The following ALDH7A1 variants were observed in gnomAD, a reference collection of about 807,000 sequenced individuals.
ALDH7A1 encodes the protein aldehyde dehydrogenase 7 family member A1, also known as alpha-aminoadipic semialdehyde dehydrogenase.
Under a neutral mutation model 79.9 loss-of-function variants are expected in ALDH7A1, and 63 were observed. That is an observed-to-expected ratio of 0.79 (90% CI 0.64 to 0.97). The LOEUF is 0.97. Among genes scored for constraint, ALDH7A1 ranks in the 50% least tolerant of loss-of-function variants. ALDH7A1 has a pLI of 0.00. For missense variants in ALDH7A1, 627 were observed against 665.2 expected, an observed-to-expected ratio of 0.94 and a Z score of 0.63; for synonymous variants, 240 against 231.2, an observed-to-expected ratio of 1.04 and a Z score of -0.34.
chr5:126,583,858 T>G, intron 4 of ALDH7A1, 74 bp downstream of exon 4: 1 of 1,284,036 alleles, frequency 7.8e-7, no homozygotes, highest in Non-Finnish European at 1.1e-6. Context: ...AACCTCACAA[T>G]TTTATATATA....
In ALDH7A1 at chr5:126,555,827, C is replaced by T. The variant is rs150370347; in HGVS notation, c.1093+104G>A. On this transcript the variant is annotated intron_variant, in intron 12 of 17. Transcript: ENST00000409134. ...TAATAACCTGCTTCATGTGCCTTCA[C>T]GCCTCTCAGGAAAGGGAAAGAAACT... 1.1e-4 allele frequency: 99 copies of T among 923,796 alleles called. No individual in the cohort carries two copies. In the African/African-American group the frequency reaches 1.3e-3, roughly 12 times the overall value. The allele number at this position is 923,796 out of a possible 1,614,324, so 57.2% of individuals were successfully genotyped here.
chr5:126,546,064 A>G (rs1297651115), intron 17 of ALDH7A1, among the ~76,000 whole-genome samples: 1 of 152,204 alleles, frequency 6.6e-6, no homozygotes, highest in Non-Finnish European at 1.5e-5. Flanking sequence ...CCTGACCAAC[A>G]TGGAGAAACC....
At chr5:126,567,060 T>C (rs1452848281) in intron 9 of ALDH7A1, among the ~76,000 whole-genome samples, 5 of 152,246 alleles carry the variant, frequency 3.3e-5, no homozygotes, top group Non-Finnish European at 7.3e-5. Flanking sequence ...AAGCACACAT[T>C]AGGTCATAGC....
In ALDH7A1 at chr5:126,594,333, G is replaced by A. The variant is rs1751663521; in HGVS notation, c.192+674C>T. ...CTGAAGAACGTTACCTGCGGTGCAC[G>A]TCACAGCTGAAGAGCCAGAGTTAAG... is the stretch of plus-strand genomic sequence containing the variant. On this transcript the variant is annotated intron_variant, in intron 1 of 17. Transcript: ENST00000409134. 2.2e-5 allele frequency: 10 copies of A among 463,194 alleles called. 1 individual carries two copies. The highest frequency in any genetic ancestry group is 1.6e-4 in the South Asian group (10 of 64,102). 28.7% of individuals were successfully genotyped at this position (463,194 alleles called of 1,614,324 possible). A position where few individuals can be genotyped will look rare whatever the true frequency, so the allele number is the denominator to read the frequency against.
chr5:126,584,659 C>CAA (rs35736560), intron 3 of ALDH7A1, among the ~76,000 whole-genome samples: 18 of 62,178 alleles, frequency 2.9e-4, no homozygotes, highest in African/African-American at 6.7e-4. Context: ...CACTCCATCT[C>CAA]AAAAAAAAAA....
At chr5:126,593,302 GAATTA>G (rs751731945) in intron 2 of ALDH7A1, 44 bp downstream of exon 2, 16 of 1,425,838 alleles carry the variant, frequency 1.1e-5, no homozygotes, top group Non-Finnish European at 1.2e-5. Flanking sequence ...TGTATAATTT[GAATTA>G]AACACACACA....
chr5:126,583,083 A>G, intron 4 of ALDH7A1, 109 bp from the exon 5 acceptor site: 1 of 1,332,982 alleles, frequency 7.5e-7, no homozygotes, highest in South Asian at 1.2e-5. Flanking sequence ...AATAAACTGA[A>G]GAAAGTCTGT....
At position 126,544,101 on chromosome 5, in the gene ALDH7A1, G is replaced by A. The variant is rs1749705303; in HGVS notation, c.*864C>T. 1 of 151,864 alleles carries A rather than the reference G, an allele frequency of 6.6e-6. No homozygotes were observed. Among genetic ancestry groups the A allele is most frequent in the Non-Finnish European group, 1.5e-5 (1 of 68,090 alleles). The allele number at this position is 151,864 out of a possible 1,614,324, so 9.4% of individuals were successfully genotyped here. A position where few individuals can be genotyped will look rare whatever the true frequency, so the allele number is the denominator to read the frequency against. On this transcript the variant is annotated 3_prime_UTR_variant, in exon 18 of 18. Transcript: ENST00000409134. The stretch of plus-strand genomic sequence containing the variant: ...GCCTCCCTAATAGCTGGGATTACAG[G>A]TGCCTGCCACCACACTGGGCTAATT...
chr5:126,546,441 C>T, intron 16 of ALDH7A1, 42 bp from the exon 17 acceptor site: 1 of 1,572,012 alleles, frequency 6.4e-7, no homozygotes, highest in Non-Finnish European at 8.8e-7. Flanking sequence ...TGAGCAGTTT[C>T]CATGTGGGCT....
intron 9 of ALDH7A1, 157 bp downstream of exon 9, chr5:126,568,097 TTCTAC>T: frequency 2.9e-6 from 2 of 685,538 alleles, no homozygotes; most frequent in Non-Finnish European, 5.1e-6. Flanking sequence ...TTCCCTAATA[TTCTAC>T]TGCTAATAAC....
chr5:126,573,549 T>C (rs989209161), intron 7 of ALDH7A1, among the ~76,000 whole-genome samples: 4 of 151,556 alleles, frequency 2.6e-5, no homozygotes, highest in Non-Finnish European at 4.4e-5. Context: ...ATACAAAAAA[T>C]TAGCCGGGCG....
chr5:126,570,909 A>T (rs1411294096), intron 7 of ALDH7A1, 50 bp from the exon 8 acceptor site: 2 of 1,569,782 alleles, frequency 1.3e-6, no homozygotes, highest in South Asian at 1.1e-5. Context: ...GCATTTTTTT[A>T]AAAACAAGGA....
At chr5:126,551,344 T>C (rs1466491720) in intron 14 of ALDH7A1, among the ~76,000 whole-genome samples, 1 of 151,678 alleles carries the variant, frequency 6.6e-6, no homozygotes, top group Non-Finnish European at 1.5e-5. Flanking sequence ...AGATGGAGTC[T>C]CACTCTGTTG....
chr5:126,571,634 C>A (rs1199534308), intron 7 of ALDH7A1, among the ~76,000 whole-genome samples: 1 of 151,724 alleles, frequency 6.6e-6, no homozygotes, highest in African/African-American at 2.4e-5. Context: ...GATCACTGGG[C>A]CTTTTATTTA....
rs758272364 is a variant in ALDH7A1 at position 126,595,049 on chromosome 5, T to C, written c.150A>G (p.Glu50=). ...AGCTTCCATTATACACGCCCTCGTTTTCCTCGCGGAGCCCCAGCTCTTTCA... is the reference window on the plus strand; with the variant it reads ...AGCTTCCATTATACACGCCCTCGTTCTCCTCGCGGAGCCCCAGCTCTTTCA... ...AWLKELGLRE[E]NEGVYNGSWG... is the part of the protein sequence containing the mutation. The change falls in exon 1 of 18, where the codon GAA becomes GAG. Residue 50 remains glutamate, a synonymous_variant. Transcript: ENST00000409134. The C allele has an allele frequency of 2.5e-6, 4 of 1,610,038 alleles. No homozygotes were observed. Among genetic ancestry groups the C allele is most frequent in the Non-Finnish European group, 3.4e-6 (4 of 1,178,478 alleles).
At chr5:126,582,125 C>T (rs1751197483) in intron 5 of ALDH7A1, 1 of 398,520 alleles carries the variant, frequency 2.5e-6, no homozygotes, top group Non-Finnish European at 4.4e-6. Context: ...AAGTTTGAGA[C>T]CAGCCTGAAC....
intron 16 of ALDH7A1, among the ~76,000 whole-genome samples, chr5:126,549,004 G>A (rs1749894472): frequency 1.3e-5 from 2 of 148,526 alleles, no homozygotes; most frequent in African/African-American, 5.0e-5. Flanking sequence ...AGCCTGGGAG[G>A]TGGTGGCTGC....
At chr5:126,584,796 C>G (rs1751305403) in intron 3 of ALDH7A1, among the ~76,000 whole-genome samples, 1 of 151,716 alleles carries the variant, frequency 6.6e-6, no homozygotes, top group Non-Finnish European at 1.5e-5. Context: ...GGATAACTTC[C>G]CGCTCTCTGG....
Position 126,543,549 on chromosome 5 carries a change from T to G in ALDH7A1, c.*1416A>C, listed in dbSNP as rs947195444. 4 of 152,230 alleles carry G rather than the reference T, an allele frequency of 2.6e-5. No homozygotes were observed. Among genetic ancestry groups the G allele is most frequent in the Non-Finnish European group, 5.9e-5 (4 of 68,036 alleles). 9.4% of individuals were successfully genotyped at this position (152,230 alleles called of 1,614,324 possible). A position where few individuals can be genotyped will look rare whatever the true frequency, so the allele number is the denominator to read the frequency against. ...GCTTCCCAGATACATTTATAATTGT[T>G]TAGTTTTTCATTTGCTTACTTCTCT... On this transcript the variant is annotated 3_prime_UTR_variant, in exon 18 of 18. Coordinates refer to ENST00000409134, the MANE Select transcript of ALDH7A1 (RefSeq NM_001182.5).
Sources: allele counts gnomAD v4.1 joint callset (sites outside exome capture counted in the v4.1 genomes callset), GRCh38; gene constraint gnomAD v4.1.1; transcripts MANE v1.5; gene names NCBI Gene and HGNC (gene_info 2026-07-23, HGNC 2026-07-21).